EBF4: variants seen among roughly 807,000 people sequenced by gnomAD.
EBF4 encodes the protein EBF transcription factor 4.
A neutral mutation model predicts 67.1 loss-of-function variants in EBF4; 34 were observed. The observed-to-expected ratio is 0.51, with a 90% CI of 0.39 to 0.67. The LOEUF is 0.67. EBF4 is among the 30% of genes least tolerant of loss of function. The pLI, the probability that EBF4 is intolerant of heterozygous loss-of-function variation, is 0.00. For synonymous variants in EBF4, 387 were observed against 377.7 expected (o/e 1.02, Z -0.29); for missense variants, 837 against 873.3 (o/e 0.96, Z 0.52).
intron 6 of EBF4, among the ~76,000 whole-genome samples, chr20:2,744,265 C>T (rs1006799999): frequency 6.6e-6 from 1 of 151,330 alleles, no homozygotes; most frequent in African/African-American, 2.4e-5. Context: ...ATCAGGTCAT[C>T]AAAATTTTTA....
chr20:2,758,954 G>C (rs1169036518), exon 16 of EBF4: 2 of 1,551,812 alleles, frequency 1.3e-6, no homozygotes, highest in South Asian at 2.4e-5. Flanking sequence ...CCAGCCCGGG[G>C]GCTTCAGGGC....
In EBF4 at chr20:2,739,145, C is replaced by G. The variant is rs938707729; in HGVS notation, c.558-9404C>G. On this transcript the variant is annotated intron_variant, in intron 6 of 16. Transcript: ENST00000609451. This position sits in a 1 kb window ranked among gnomAD's most constrained non-coding sequence, Gnocchi z 4.5. ...AAGCTCCTCATTTCCCTTCCCTTCT[C>G]TAGCGTAGGCCCTTTGGTGCCTGTT... 6.6e-6 allele frequency among the ~76,000 whole-genome samples: 1 copy of G among 152,208 alleles called. No individual in the cohort carries two copies. The highest frequency in any genetic ancestry group is 1.5e-5 in the Non-Finnish European group (1 of 68,036).
exon 3 of EBF4, chr20:2,705,979 C>G (rs375246117): frequency 1.1e-5 from 17 of 1,551,254 alleles, no homozygotes; most frequent in Non-Finnish European, 1.5e-5. Context: ...TGCAGGAGCC[C>G]GGGGCGGAAA....
At chr20:2,699,930 G>C (rs1250421817) in intron 1 of EBF4, among the ~76,000 whole-genome samples, 1 of 152,176 alleles carries the variant, frequency 6.6e-6, no homozygotes, top group Non-Finnish European at 1.5e-5. Context: ...ATCCCCTCAG[G>C]ACCATTGGTC....
At chr20:2,752,091 G>A (rs1440123066) in exon 13 of EBF4, 4 of 1,456,136 alleles carry the variant, frequency 2.7e-6, no homozygotes, top group Non-Finnish European at 3.6e-6. Context: ...CGCAGGAGCT[G>A]CTCCTGAAGC....
intron 14 of EBF4, among the ~76,000 whole-genome samples, chr20:2,754,233 C>G (rs1391796857): frequency 2.6e-5 from 4 of 152,182 alleles, no homozygotes; most frequent in Non-Finnish European, 5.9e-5. Context: ...TGTGGCCCGA[C>G]TCCAAGGGGT....
At position 2,730,254 on chromosome 20, in the gene EBF4, A is replaced by G. The variant is rs148873724; in HGVS notation, c.558-18295A>G. ...TGTTGGCAGGTCCGTGCTCCCTCCA[A>G]AGGCCCTAGGGGTGAATCTTCCCTT... On this transcript the variant is annotated intron_variant, in intron 6 of 16. Coordinates refer to ENST00000609451, the Ensembl canonical transcript of EBF4. 5.4e-3 allele frequency among the ~76,000 whole-genome samples: 819 copies of G among 152,236 alleles called. 7 individuals are homozygous for G. Among genetic ancestry groups the G allele is most frequent in the African/African-American group, 0.018 (763 of 41,518 alleles).
Position 2,739,425 on chromosome 20 carries a change from C to T in EBF4, c.558-9124C>T, listed in dbSNP as rs924843598. Among the ~76,000 whole-genome samples, 6 of 152,036 alleles carry T rather than the reference C, an allele frequency of 3.9e-5. No homozygotes were observed. The highest frequency in any genetic ancestry group is 6.5e-5 in the Admixed American group (1 of 15,272). ...CAAATTGGAGCTCTAGGAAGCATTC[C>T]GCCTCCCCTAGGCAAAATAAGTGGC... On this transcript the variant is annotated intron_variant, in intron 6 of 16. Transcript: ENST00000609451. The surrounding 1 kb of genome is among the most constrained non-coding windows in gnomAD (Gnocchi z 4.5).
intron 1 of EBF4, among the ~76,000 whole-genome samples, chr20:2,695,531 G>A (rs1431738653): frequency 6.6e-6 from 1 of 152,068 alleles, no homozygotes; most frequent in East Asian, 1.9e-4. Context: ...CTTCAGGCTC[G>A]GTCTGCTAAT....
At chr20:2,697,309 G>A (rs186746428) in intron 1 of EBF4, among the ~76,000 whole-genome samples, 6 of 152,230 alleles carry the variant, frequency 3.9e-5, no homozygotes, top group Admixed American at 3.9e-4. Context: ...ACTTTGGGAG[G>A]CCGAGGCAGG....
At chr20:2,718,609 C>G (rs907699338) in intron 6 of EBF4, among the ~76,000 whole-genome samples, 2 of 152,184 alleles carry the variant, frequency 1.3e-5, no homozygotes, top group African/African-American at 4.8e-5. Flanking sequence ...TTTAGTATTT[C>G]TAGAACCTAT....
rs2088075830 is a variant in EBF4 at position 2,747,943 on chromosome 20, T to C, written c.558-606T>C. ...AAGGTTATACCCCGAGTGTGTGTGATGGCTGTATTTTGTGAGTAATAGTAT... is the reference window on the plus strand; with the variant it reads ...AAGGTTATACCCCGAGTGTGTGTGACGGCTGTATTTTGTGAGTAATAGTAT... On this transcript the variant is annotated intron_variant, in intron 6 of 16. Coordinates refer to ENST00000609451, the Ensembl canonical transcript of EBF4. The surrounding 1 kb of genome is among the most constrained non-coding windows in gnomAD (Gnocchi z 4.6). 6.6e-6 allele frequency among the ~76,000 whole-genome samples: 1 copy of C among 152,136 alleles called. No homozygotes were observed. Among genetic ancestry groups the C allele is most frequent in the Non-Finnish European group, 1.5e-5 (1 of 68,030 alleles).
chr20:2,726,719 A>T (rs937897526), intron 6 of EBF4, among the ~76,000 whole-genome samples: 1 of 152,180 alleles, frequency 6.6e-6, no homozygotes, highest in African/African-American at 2.4e-5. Flanking sequence ...TTGTTACACA[A>T]ACTTTACAAT....
At chr20:2,702,965 C>T (rs2087397326) in intron 1 of EBF4, among the ~76,000 whole-genome samples, 2 of 152,060 alleles carry the variant, frequency 1.3e-5, no homozygotes, top group Non-Finnish European at 2.9e-5. Context: ...AAAAGTGCTC[C>T]GTAGTCAGGT....
In EBF4 at chr20:2,717,971, C is replaced by T. The variant is rs539633482; in HGVS notation, c.557+8329C>T. On this transcript the variant is annotated intron_variant, in intron 6 of 16. Transcript: ENST00000609451. ...GATTACAGATGCATGCCACCATGCC[C>T]GGCTAATTTTTGTATTTTTAGTAGA... Among the ~76,000 whole-genome samples, 35 of 152,042 alleles carry T rather than the reference C, an allele frequency of 2.3e-4. No homozygotes were observed. The South Asian group carries it at 6.0e-3, about 26-fold the overall frequency.
In EBF4 at chr20:2,745,236, T is replaced by C. The variant is rs924346834; in HGVS notation, c.558-3313T>C. On this transcript the variant is annotated intron_variant, in intron 6 of 16. Transcript: ENST00000609451. The surrounding 1 kb of genome is among the most constrained non-coding windows in gnomAD (Gnocchi z 5.2). ...TGACGCTGCTGGTCTTAGGGGGTGG[T>C]GCAGGCTCTCTGACTGGGAGAAGCC... Among the ~76,000 whole-genome samples, 2 of 152,172 alleles carry C rather than the reference T, an allele frequency of 1.3e-5. No individual in the cohort carries two copies. The highest frequency in any genetic ancestry group is 4.8e-5 in the African/African-American group (2 of 41,448).
intron 14 of EBF4, among the ~76,000 whole-genome samples, chr20:2,754,422 C>T (rs1424371727): frequency 3.3e-5 from 5 of 152,194 alleles, no homozygotes; most frequent in Non-Finnish European, 5.9e-5. Flanking sequence ...TGGCCGTGAG[C>T]CCTGGGCATT....
intron 14 of EBF4, among the ~76,000 whole-genome samples, chr20:2,754,314 G>A (rs2088203786): frequency 6.6e-6 from 1 of 152,132 alleles, no homozygotes; most frequent in African/African-American, 2.4e-5. Context: ...AGGCTCAGGG[G>A]CTGTTTGCTT....
At chr20:2,719,187 G>A (rs892799906) in intron 6 of EBF4, among the ~76,000 whole-genome samples, 3 of 152,070 alleles carry the variant, frequency 2.0e-5, no homozygotes, top group African/African-American at 4.8e-5. Context: ...CAACCTCCTG[G>A]GCTCAAGCAC....
Sources: gnomAD v4.1 joint callset for allele counts (sites outside exome capture counted in the v4.1 genomes callset) on GRCh38, gnomAD v4.1.1 for gene constraint, Gnocchi (gnomAD v3.1) non-coding constraint, MANE v1.5 for transcripts, NCBI Gene and HGNC (gene_info 2026-07-23, HGNC 2026-07-21) for gene names.